Variants in FYN observed in about 807,000 individuals in gnomAD.
FYN encodes tyrosine-protein kinase Fyn.
A neutral mutation model predicts 70.2 loss-of-function variants in FYN; 10 were observed. That is an observed-to-expected ratio of 0.14 (90% CI 0.09 to 0.24). The LOEUF is 0.24. Ranked by LOEUF, FYN falls within the 10% of genes least tolerant of loss-of-function variation. The pLI, the probability that FYN is intolerant of heterozygous loss-of-function variation, is 1.00. For synonymous variants in FYN, 236 were observed against 248.6 expected (o/e 0.95, Z 0.48); for missense variants, 319 against 673.1 (o/e 0.47, Z 5.82).
intron 4 of FYN, among the ~76,000 whole-genome samples, chr6:111,715,708 C>T (rs1288766330): frequency 1.3e-5 from 2 of 152,208 alleles, no homozygotes; most frequent in Non-Finnish European, 1.5e-5. Flanking sequence ...GGAAGCAGAT[C>T]ATTCTCAGCT....
At chr6:111,672,861 C>G (rs933429340) in intron 13 of FYN, among the ~76,000 whole-genome samples, 5 of 152,092 alleles carry the variant, frequency 3.3e-5, no homozygotes, top group Admixed American at 3.3e-4. Flanking sequence ...TTTCTTTATG[C>G]TAAAACCAAA....
At chr6:111,808,495 C>A (rs374717735) in intron 2 of FYN, among the ~76,000 whole-genome samples, 102 of 152,230 alleles carry the variant, frequency 6.7e-4, no homozygotes, top group African/African-American at 2.4e-3. Flanking sequence ...AGGAGGGACC[C>A]CACTGTGGGT....
At chr6:111,733,715 C>T (rs1394998596) in intron 3 of FYN, among the ~76,000 whole-genome samples, 2 of 152,166 alleles carry the variant, frequency 1.3e-5, no homozygotes, top group South Asian at 4.1e-4. Flanking sequence ...TAGCCTGGAA[C>T]CAGGCTGCTG....
chr6:111,745,367 C>T (rs1802160837), intron 3 of FYN, among the ~76,000 whole-genome samples: 1 of 152,192 alleles, frequency 6.6e-6, no homozygotes, highest in African/African-American at 2.4e-5. Context: ...CTCATCCCTC[C>T]TGCAAAAGCT....
At chr6:111,832,601 G>GATC (rs35438729) in intron 2 of FYN, among the ~76,000 whole-genome samples, 51,521 of 151,530 alleles carry the variant, frequency 0.34, 13,049 homozygotes, top group African/African-American at 0.72. Context: ...TAGCAATTTT[G>GATC]ATCATCATTT....
chr6:111,838,571 G>A (rs1341574396), intron 2 of FYN, among the ~76,000 whole-genome samples: 1 of 152,188 alleles, frequency 6.6e-6, no homozygotes, highest in African/African-American at 2.4e-5. Context: ...TTGCACATTT[G>A]TCCCTGGTCA....
rs557722679 is a variant in FYN, at chr6:111,830,317, T to C, written c.-82+16272A>G. Among the ~76,000 whole-genome samples, 527 of 152,086 alleles carry C rather than the reference T, an allele frequency of 3.5e-3. 5 individuals carry two copies. The highest frequency in any genetic ancestry group is 0.012 in the African/African-American group (493 of 41,466). On this transcript the variant is annotated intron_variant, in intron 2 of 13. Transcript: ENST00000354650. ...CAGATATGCAAGGAACCTGGAAAAA[T>C]AGTTTCTGGCAGAAATGGGAGTAGG...
At chr6:111,672,221 T>A (rs941575410) in intron 13 of FYN, among the ~76,000 whole-genome samples, 1 of 152,208 alleles carries the variant, frequency 6.6e-6, no homozygotes, top group Non-Finnish European at 1.5e-5. Context: ...GACCTTGGGA[T>A]GCTCTTCCCG....
chr6:111,790,570 C>T (rs976162399), intron 2 of FYN, among the ~76,000 whole-genome samples: 1 of 152,146 alleles, frequency 6.6e-6, no homozygotes, highest in Non-Finnish European at 1.5e-5. Flanking sequence ...CCAGGGGTTC[C>T]CTACCAAGGA....
intron 1 of FYN, among the ~76,000 whole-genome samples, chr6:111,860,683 T>C (rs973785828): frequency 1.3e-5 from 2 of 152,172 alleles, no homozygotes; most frequent in Non-Finnish European, 1.5e-5. Flanking sequence ...CCAGAACCTG[T>C]CCCTTTCCCA....
chr6:111,705,103 T>C (rs1250239090), intron 6 of FYN, among the ~76,000 whole-genome samples: 1 of 152,088 alleles, frequency 6.6e-6, no homozygotes, highest in Admixed American at 6.6e-5. Flanking sequence ...TTGAATCTCT[T>C]GATATCTAAG....
intron 1 of FYN, among the ~76,000 whole-genome samples, chr6:111,862,865 G>A (rs900736544): frequency 1.3e-5 from 2 of 152,216 alleles, no homozygotes; most frequent in Non-Finnish European, 2.9e-5. Context: ...AGACAGGTGA[G>A]TAGAATTCTA....
At chr6:111,807,862 C>A (rs1241653522) in intron 2 of FYN, among the ~76,000 whole-genome samples, 1 of 152,122 alleles carries the variant, frequency 6.6e-6, no homozygotes, top group Non-Finnish European at 1.5e-5. Context: ...GTAATCCCAG[C>A]ACTTTGGGAG....
chr6:111,853,540 C>T lies in FYN; in HGVS notation c.-122-6911G>A, dbSNP rs1405297549. ...AAACGGCCTCTTGCTTGGGCTGTGGCAAAGAGCTGGATTTTATCCTAATTG... is the reference window on the plus strand; with the variant it reads ...AAACGGCCTCTTGCTTGGGCTGTGGTAAAGAGCTGGATTTTATCCTAATTG... On this transcript the variant is annotated intron_variant, in intron 1 of 13. Transcript: ENST00000354650. Among the ~76,000 whole-genome samples, 8 of 152,032 alleles carry T rather than the reference C, an allele frequency of 5.3e-5. 1 individual carries two copies. Among genetic ancestry groups the T allele is most frequent in the African/African-American group, 1.9e-4 (8 of 41,386 alleles).
At chr6:111,786,167 G>T (rs1251163611) in intron 2 of FYN, among the ~76,000 whole-genome samples, 3 of 151,784 alleles carry the variant, frequency 2.0e-5, no homozygotes, top group African/African-American at 4.8e-5. Context: ...CCATTTACTT[G>T]TCATTTACAT....
chr6:111,823,031 G>A (rs569562311), intron 2 of FYN, among the ~76,000 whole-genome samples: 2 of 152,342 alleles, frequency 1.3e-5, no homozygotes, highest in South Asian at 2.1e-4. Flanking sequence ...GCCACAGGGC[G>A]GCTAACACAC....
chr6:111,702,985 A>G lies in FYN; in HGVS notation c.597T>C (p.His199=), dbSNP rs766191397. The change falls in exon 8 of 14, where the codon CAT becomes CAC. Residue 199 remains histidine (H), a synonymous_variant. Coordinates refer to ENST00000354650, the MANE Select transcript of FYN (RefSeq NM_002037.5). ...IRDWDDMKGD[H]VKHYKIRKLD... is the part of the protein sequence containing the mutation. ...GTTTGCGAATTTTATAATGTTTGAC[A>G]TGGTCTCCTTTCATATCATCCCAAT... The G allele has an allele frequency of 3.1e-6, 5 of 1,614,038 alleles. No homozygotes were observed. Among genetic ancestry groups the G allele is most frequent in the Non-Finnish European group, 3.4e-6 (4 of 1,180,004 alleles).
intron 2 of FYN, among the ~76,000 whole-genome samples, chr6:111,784,993 G>A (rs1771310734): frequency 6.6e-6 from 1 of 152,230 alleles, no homozygotes; most frequent in South Asian, 2.1e-4. Flanking sequence ...AGAAATGGAT[G>A]TCTAAATGGA....
intron 1 of FYN, among the ~76,000 whole-genome samples, chr6:111,856,444 T>TA (rs146760042): frequency 0.043 from 6,617 of 152,238 alleles, 305 homozygotes; most frequent in African/African-American, 0.12. Flanking sequence ...ATAGGTTAGT[T>TA]AGAGACATTG....
Sources: allele counts gnomAD v4.1 joint callset (sites outside exome capture counted in the v4.1 genomes callset), GRCh38; gene constraint gnomAD v4.1.1; transcripts MANE v1.5; gene names NCBI Gene and HGNC (gene_info 2026-07-23, HGNC 2026-07-21).